MGAT5: variants seen among roughly 807,000 people sequenced by gnomAD.
MGAT5 encodes alpha-1,6-mannosylglycoprotein 6-beta-N-acetylglucosaminyltransferase A.
Under a neutral mutation model 94.3 loss-of-function variants are expected in MGAT5, and 30 were observed. The ratio of observed to expected loss-of-function variants is 0.32; its 90% CI spans 0.24 to 0.43. The LOEUF is 0.43. Among genes scored for constraint, MGAT5 ranks in the 20% least tolerant of loss-of-function variants. MGAT5 has a pLI of 1.00. For synonymous variants in MGAT5, 310 were observed against 322.9 expected (o/e 0.96, Z 0.43); for missense variants, 691 against 905.5 (o/e 0.76, Z 3.04).
At chr2:134,313,493 T>C (rs1175539709) in intron 2 of MGAT5, among the ~76,000 whole-genome samples, 1 of 152,122 alleles carries the variant, frequency 6.6e-6, no homozygotes, top group East Asian at 1.9e-4. Context: ...GGTGAAGTTT[T>C]GGGGGAAAGA....
At chr2:134,188,565 G>A (rs1392571155) in intron 1 of MGAT5, among the ~76,000 whole-genome samples, 3 of 152,234 alleles carry the variant, frequency 2.0e-5, no homozygotes, top group Non-Finnish European at 4.4e-5. Context: ...GAAGAAGATT[G>A]TTGGTCATTA....
At position 134,449,033 on chromosome 2, in the gene MGAT5, AAAC is replaced by A. The variant is rs1399645599; in HGVS notation, c.*189_*191del. 4.9e-6 allele frequency: 3 copies of A among 609,888 alleles called. No homozygotes were observed. The highest frequency in any genetic ancestry group is 8.6e-6 in the Non-Finnish European group (3 of 347,170). The allele number at this position is 609,888 out of a possible 1,614,324, so 37.8% of individuals were successfully genotyped here. On this transcript the variant is annotated 3_prime_UTR_variant, in exon 16 of 16. Coordinates refer to ENST00000281923, the MANE Select transcript of MGAT5 (RefSeq NM_002410.5). ...ACCCAGTGGAGTCTTCACCAAAACA[AAAC>A]AAGAGCGTATGTCAGGCCAGGAGCC...
chr2:134,247,359 T>TAAAAAAAAAAAAA lies in MGAT5; in HGVS notation c.-142-6900_-142-6888dup, dbSNP rs34029606. 3.3e-5 allele frequency among the ~76,000 whole-genome samples: 3 copies of TAAAAAAAAAAAAA among 91,506 alleles called. 1 individual carries two copies. The highest frequency in any genetic ancestry group is 2.2e-5 in the Non-Finnish European group (1 of 45,330). The allele number at this position is 91,506 out of a possible 152,430, so 60.0% of individuals were successfully genotyped here. ...TGTGAATAGATACCTGGGCCTGAAT[T>TAAAAAAAAAAAAA]AAAAAAAAAAAAAAACAAAAAAAAA... is the stretch of plus-strand genomic sequence containing the variant. On this transcript the variant is annotated intron_variant, in intron 1 of 16. Coordinates refer to the MGAT5 transcript ENST00000409645.
intron 10 of MGAT5, among the ~76,000 whole-genome samples, chr2:134,386,589 C>G (rs562026147): frequency 5.9e-5 from 9 of 152,308 alleles, no homozygotes; most frequent in Admixed American, 1.3e-4. Flanking sequence ...TGCTGAAGCT[C>G]TAGCCATTAG....
At position 134,229,601 on chromosome 2, in the gene MGAT5, A is replaced by G. The variant is rs1248481277; in HGVS notation, c.-142-24661A>G. On this transcript the variant is annotated intron_variant, in intron 1 of 16. Transcript: ENST00000409645. ...GTTAAAAATGCCACAGAAAATGGAG[A>G]TATGATTTGTTAGAAAGATGATTTA... Among the ~76,000 whole-genome samples, 3 of 152,354 alleles carry G rather than the reference A, an allele frequency of 2.0e-5. No individual in the cohort carries two copies. The Middle Eastern group carries it at 0.01, about 518-fold the overall frequency.
intron 12 of MGAT5, among the ~76,000 whole-genome samples, chr2:134,420,569 T>G (rs1684238153): frequency 6.6e-6 from 1 of 152,050 alleles, no homozygotes; most frequent in African/African-American, 2.4e-5. Flanking sequence ...GAACAGTGGC[T>G]AAGGGAAAGA....
chr2:134,261,301 A>G (rs184127837), intron 1 of MGAT5, among the ~76,000 whole-genome samples: 15 of 152,234 alleles, frequency 9.9e-5, no homozygotes, highest in Admixed American at 5.2e-4. Flanking sequence ...ATAGCTCTCT[A>G]TGACCCTCTG....
chr2:134,139,541 A>T (rs578193119), intron 1 of MGAT5, among the ~76,000 whole-genome samples: 129 of 152,240 alleles, frequency 8.5e-4, no homozygotes, highest in Admixed American at 1.9e-3. Flanking sequence ...CAGGCATGCA[A>T]ACACACCCAG....
chr2:134,152,258 A>G (rs572179802), intron 1 of MGAT5, among the ~76,000 whole-genome samples: 4 of 118,054 alleles, frequency 3.4e-5, no homozygotes, highest in African/African-American at 1.2e-4. Flanking sequence ...CCCGCTTACC[A>G]CCATGGGACC....
chr2:134,302,713 ATGCTGTGTGTGTG>A (rs1686093453), intron 2 of MGAT5, among the ~76,000 whole-genome samples: 1 of 136,040 alleles, frequency 7.4e-6, no homozygotes, highest in Non-Finnish European at 1.5e-5. Flanking sequence ...CATTTAAGAA[ATGCTGTGTGTGTG>A]TGTGTGTGTG....
chr2:134,430,355 T>C (rs1684815184), intron 14 of MGAT5, among the ~76,000 whole-genome samples: 1 of 152,222 alleles, frequency 6.6e-6, no homozygotes, highest in South Asian at 2.1e-4. Context: ...AGGTCCTCTG[T>C]AAGCCTTGCT....
chr2:134,182,786 T>TTG (rs1688804622), intron 1 of MGAT5, among the ~76,000 whole-genome samples: 1 of 141,304 alleles, frequency 7.1e-6, no homozygotes, highest in African/African-American at 2.7e-5. Context: ...ATTAGTTTTT[T>TTG]TTTTTTTTTT....
chr2:134,340,986 G>T (rs751508276), intron 6 of MGAT5, among the ~76,000 whole-genome samples: 1 of 152,046 alleles, frequency 6.6e-6, no homozygotes, highest in Non-Finnish European at 1.5e-5. Flanking sequence ...GGTTTTTTAG[G>T]GATAATAGTG....
At chr2:134,157,906 G>A (rs1015571306) in intron 1 of MGAT5, among the ~76,000 whole-genome samples, 2 of 152,180 alleles carry the variant, frequency 1.3e-5, no homozygotes, top group African/African-American at 4.8e-5. Context: ...CTTGAAGTGG[G>A]TAGCTTCTAT....
intron 12 of MGAT5, among the ~76,000 whole-genome samples, chr2:134,418,458 C>A (rs1050467749): frequency 6.6e-6 from 1 of 152,184 alleles, no homozygotes; most frequent in Non-Finnish European, 1.5e-5. Flanking sequence ...TAGGCTCCCC[C>A]AGGAGGGCAG....
At chr2:134,301,913 A>C (rs1686041747) in intron 2 of MGAT5, among the ~76,000 whole-genome samples, 1 of 152,200 alleles carries the variant, frequency 6.6e-6, no homozygotes, top group Non-Finnish European at 1.5e-5. Flanking sequence ...TCTCAAAATG[A>C]AAGAGACCTG....
intron 1 of MGAT5, among the ~76,000 whole-genome samples, chr2:134,187,801 C>T (rs142760142): frequency 6.6e-5 from 10 of 152,256 alleles, no homozygotes; most frequent in East Asian, 3.9e-4. Context: ...AAATTTCCAC[C>T]GTGACTGCCT....
intron 1 of MGAT5, among the ~76,000 whole-genome samples, chr2:134,187,383 G>A (rs749093332): frequency 6.6e-5 from 10 of 152,172 alleles, no homozygotes; most frequent in Non-Finnish European, 8.8e-5. Context: ...GGTGAGGGGA[G>A]GGAGGTAATG....
intron 1 of MGAT5, among the ~76,000 whole-genome samples, chr2:134,122,699 G>A (rs1558943773): frequency 6.6e-6 from 1 of 152,190 alleles, no homozygotes; most frequent in Non-Finnish European, 1.5e-5. Flanking sequence ...CTCCTCCTTT[G>A]TTTCAGCCTG....
Sources: gnomAD v4.1 joint callset for allele counts (sites outside exome capture counted in the v4.1 genomes callset) on GRCh38, gnomAD v4.1.1 for gene constraint, MANE v1.5 for transcripts, NCBI Gene and HGNC (gene_info 2026-07-23, HGNC 2026-07-21) for gene names.